Variants in ZNF80 observed in about 807,000 individuals in gnomAD.
The protein encoded by ZNF80 is zinc finger protein 80.
For synonymous variants in ZNF80, 132 were observed against 119.4 expected, an observed-to-expected ratio of 1.11 and a Z score of -0.69; for missense variants, 394 against 334.1, an observed-to-expected ratio of 1.18 and a Z score of -1.40.
chr3:114,236,797 A>T lies in ZNF80; in HGVS notation c.278T>A (p.Val93Asp). 6.2e-7 allele frequency: 1 copy of T among 1,614,116 alleles called. No homozygotes were observed. Among genetic ancestry groups the T allele is most frequent in the Non-Finnish European group, 8.5e-7 (1 of 1,179,998 alleles). ...CCCTGTGTGAATCCTCATGGGTCGA[A>T]CGAAGTCGACCTTTTCAGGAAAGGC... The part of the protein sequence containing the change: ...GKAFPEKVDF[V>D]RPMRIHTGEK... The change falls in exon 1 of 1, where the codon GTT becomes GAT. Residue 93 changes from valine (V) to aspartate (D), a missense_variant. Val to Asp is a radical substitution (Grantham distance 152). Coordinates refer to ENST00000482457, the MANE Select transcript of ZNF80 (RefSeq NM_007136.4).
chr3:114,236,272 G>C lies in ZNF80; in HGVS notation c.803C>G (p.Ser268Cys), dbSNP rs748414246. ...SAFAQQSKIHSGGKNL is the reference protein window; with the variant it reads ...SAFAQQSKIHCGGKNL The stretch of plus-strand genomic sequence containing the variant: ...TTGCACTCAAAGGTTTTTTCCTCCA[G>C]AGTGGATCTTACTCTGTTGGGCAAA... Residue 268 changes from serine (S) to cysteine (C), a missense_variant, in exon 1 of 1, where the codon TCT becomes TGT. Ser to Cys is a moderately radical substitution (Grantham distance 112). Transcript: ENST00000482457. The C allele has an allele frequency of 6.9e-6, 11 of 1,590,040 alleles. No homozygotes were observed. The Admixed American group carries it at 7.2e-5, about 10-fold the overall frequency.
In ZNF80 at chr3:114,236,765, G is replaced by A. The variant is rs145218257; in HGVS notation, c.310C>T (p.Pro104Ser). ...TTCCCGCACTCCACGCACTTACAGG[G>A]CTTCTCCCCTGTGTGAATCCTCATG... The part of the protein sequence containing the change: ...RPMRIHTGEK[P>S]CKCVECGKVF... Residue 104 changes from proline to serine, a missense_variant, in exon 1 of 1, where the codon CCC becomes TCC. Coordinates refer to ENST00000482457, the MANE Select transcript of ZNF80 (RefSeq NM_007136.4). 1,996 of 1,614,164 alleles carry A rather than the reference G, an allele frequency of 1.2e-3. 21 individuals carry two copies. In the African/African-American group the frequency reaches 0.022, roughly 18 times the overall value.
rs1560017089 is a variant in ZNF80 at position 114,236,290 on chromosome 3, T to C, written c.785A>G (p.Gln262Arg). Residue 262 changes from glutamine to arginine, a missense_variant, in exon 1 of 1, where the codon CAA becomes CGA. Coordinates refer to ENST00000482457, the MANE Select transcript of ZNF80 (RefSeq NM_007136.4). ...TCCTCCAGAGTGGATCTTACTCTGT[T>C]GGGCAAAAGCAGAGTGGTAGCCAAA... ...KDFGYHSAFA[Q>R]QSKIHSGGKN... is the part of the protein sequence containing the mutation. 6.2e-7 allele frequency: 1 copy of C among 1,609,710 alleles called. No individual in the cohort carries two copies. The highest frequency in any genetic ancestry group is 8.5e-7 in the Non-Finnish European group (1 of 1,177,256).
Position 114,236,406 on chromosome 3 carries a change from C to G in ZNF80, c.669G>C (p.Gly223=). The G allele has an allele frequency of 6.2e-7, 1 of 1,612,168 alleles. No homozygotes were observed. Among genetic ancestry groups the G allele is most frequent in the African/African-American group, 1.3e-5 (1 of 74,948 alleles). The change falls in exon 1 of 1, where the codon GGG becomes GGC. Residue 223 remains glycine, a synonymous_variant. Coordinates refer to ENST00000482457, the MANE Select transcript of ZNF80 (RefSeq NM_007136.4). ...AGKPYECKEC[G]KGFYYSYSLT... ...GGGAATAGCTGTAGTAAAAACCTTTCCCACATTCTTTGCACTCGTAGGGCT... is the reference window on the plus strand; with the variant it reads ...GGGAATAGCTGTAGTAAAAACCTTTGCCACATTCTTTGCACTCGTAGGGCT...
chr3:114,235,338 G>A lies in ZNF80; in HGVS notation c.*915C>T, dbSNP rs1007096287. 1 of 152,152 alleles carries A rather than the reference G, an allele frequency of 6.6e-6. No individual in the cohort carries two copies. Among genetic ancestry groups the A allele is most frequent in the Non-Finnish European group, 1.5e-5 (1 of 68,034 alleles). 9.4% of individuals were successfully genotyped at this position (152,152 alleles called of 1,614,324 possible). On this transcript the variant is annotated 3_prime_UTR_variant, in exon 1 of 1. Transcript: ENST00000482457. ...TTCACCATCATTCTCTCGTCCCTGAGAAAATAAATCAAAACAAACAAGTAT... is the reference window on the plus strand; with the variant it reads ...TTCACCATCATTCTCTCGTCCCTGAAAAAATAAATCAAAACAAACAAGTAT...
Position 114,235,474 on chromosome 3 carries a change from C to A in ZNF80, c.*779G>T, listed in dbSNP as rs2078197348. 3 of 151,930 alleles carry A rather than the reference C, an allele frequency of 2.0e-5. No individual in the cohort carries two copies. The highest frequency in any genetic ancestry group is 4.4e-5 in the Non-Finnish European group (3 of 67,946). The allele number at this position is 151,930 out of a possible 1,614,324, so 9.4% of individuals were successfully genotyped here. A position where few individuals can be genotyped will look rare whatever the true frequency, so the allele number is the denominator to read the frequency against. ...TATGCCCATTCAATGTGGTTACTTA[C>A]CTCCTCAGATATGAAAGGATTTTAT... is the stretch of plus-strand genomic sequence containing the variant. On this transcript the variant is annotated 3_prime_UTR_variant, in exon 1 of 1. Coordinates refer to ENST00000482457, the MANE Select transcript of ZNF80 (RefSeq NM_007136.4).
chr3:114,235,230 G>A lies in ZNF80; in HGVS notation c.*1023C>T, dbSNP rs1351233211. The A allele has an allele frequency of 6.6e-6, 1 of 152,116 alleles. No individual in the cohort carries two copies. The highest frequency in any genetic ancestry group is 1.5e-5 in the Non-Finnish European group (1 of 68,016). The allele number at this position is 152,116 out of a possible 1,614,324, so 9.4% of individuals were successfully genotyped here. ...CTAGAAAACTAGTGACATGCTCTTG[G>A]AGAAGCCCCTCTTACAGAAGGCCAA... On this transcript the variant is annotated 3_prime_UTR_variant, in exon 1 of 1. Coordinates refer to ENST00000482457, the MANE Select transcript of ZNF80 (RefSeq NM_007136.4).
chr3:114,236,907 G>C lies in ZNF80; in HGVS notation c.168C>G (p.Ser56Arg). The C allele has an allele frequency of 6.2e-7, 1 of 1,614,148 alleles. No homozygotes were observed. The highest frequency in any genetic ancestry group is 2.2e-5 in the East Asian group (1 of 44,878). The change falls in exon 1 of 1, where the codon AGC becomes AGG. Residue 56 changes from serine (S) to arginine (R), a missense_variant. Ser to Arg is a moderately radical substitution (Grantham distance 110). Transcript: ENST00000482457. ...GKTYKCKECG[S>R]VFNKNSLLVR... Reference sequence around the variant, plus strand: ...CAAGGAGGCTGTTTTTGTTAAACACGCTCCCACATTCCTTGCATTTGTAGG... The same window carrying C: ...CAAGGAGGCTGTTTTTGTTAAACACCCTCCCACATTCCTTGCATTTGTAGG...
exon 1 of ZNF80, chr3:114,236,508 G>T: frequency 1.9e-6 from 3 of 1,612,856 alleles, no homozygotes; most frequent in Non-Finnish European, 2.5e-6. Context: ...CACTGCACTT[G>T]CAGGGCTTCT....
Position 114,236,983 on chromosome 3 carries a change from T to C in ZNF80, c.92A>G (p.Glu31Gly), listed in dbSNP as rs774084906. The C allele has an allele frequency of 1.2e-6, 2 of 1,614,200 alleles. No individual in the cohort carries two copies. The highest frequency in any genetic ancestry group is 4.5e-5 in the East Asian group (2 of 44,884). Reference sequence around the variant, plus strand: ...TTTACTTGGTCCCTGGGAGTCACATTCATGGAGATTGTCTCCTGTGGAGAC... The same window carrying C: ...TTTACTTGGTCCCTGGGAGTCACATCCATGGAGATTGTCTCCTGTGGAGAC... ...EQVSTGDNLH[E>G]CDSQGPSKDT... The change falls in exon 1 of 1, where the codon GAA becomes GGA. Residue 31 changes from glutamate to glycine, a missense_variant. Transcript: ENST00000482457.
chr3:114,236,150 T>C lies in ZNF80; in HGVS notation c.*103A>G. On this transcript the variant is annotated 3_prime_UTR_variant, in exon 1 of 1. Transcript: ENST00000482457. ...TGAGGATGAGCTGCAGGTCACAGCT[T>C]TCCTACTGCCACTGAATTCAGAGTG... The C allele has an allele frequency of 1.2e-6, 1 of 841,504 alleles. No homozygotes were observed. Among genetic ancestry groups the C allele is most frequent in the Non-Finnish European group, 1.9e-6 (1 of 538,994 alleles). The allele number at this position is 841,504 out of a possible 1,614,324, so 52.1% of individuals were successfully genotyped here. A position where few individuals can be genotyped will look rare whatever the true frequency, so the allele number is the denominator to read the frequency against.
rs2078200229 is a variant in ZNF80 at position 114,236,007 on chromosome 3, T to C, written c.*246A>G. 2.7e-6 allele frequency: 1 copy of C among 369,624 alleles called. No homozygotes were observed. Among genetic ancestry groups the C allele is most frequent in the South Asian group, 8.4e-5 (1 of 11,912 alleles). The allele number at this position is 369,624 out of a possible 1,614,324, so 22.9% of individuals were successfully genotyped here. Reference sequence around the variant, plus strand: ...AAAAGATTTTCTTCACTAGTTTTTGTCAAAATGTCTTTTCGCAGTTTAAGT... The same window carrying C: ...AAAAGATTTTCTTCACTAGTTTTTGCCAAAATGTCTTTTCGCAGTTTAAGT... On this transcript the variant is annotated 3_prime_UTR_variant, in exon 1 of 1. Transcript: ENST00000482457.
Position 114,236,075 on chromosome 3 carries a change from C to T in ZNF80, c.*178G>A. 2.0e-6 allele frequency: 1 copy of T among 505,986 alleles called. No homozygotes were observed. The allele number at this position is 505,986 out of a possible 1,614,324, so 31.3% of individuals were successfully genotyped here. A position where few individuals can be genotyped will look rare whatever the true frequency, so the allele number is the denominator to read the frequency against. ...TGTGGGCCCACTTGCAAAAGGCCTTCCCACATATCTCATAGAGTTTATCTC... is the reference window on the plus strand; with the variant it reads ...TGTGGGCCCACTTGCAAAAGGCCTTTCCACATATCTCATAGAGTTTATCTC... On this transcript the variant is annotated 3_prime_UTR_variant, in exon 1 of 1. Coordinates refer to ENST00000482457, the MANE Select transcript of ZNF80 (RefSeq NM_007136.4).
Position 114,236,859 on chromosome 3 carries a change from A to T in ZNF80, c.216T>A (p.Thr72=), listed in dbSNP as rs947245996. The change falls in exon 1 of 1, where the codon ACT becomes ACA. Residue 72 remains threonine, a synonymous_variant. Coordinates refer to ENST00000482457, the MANE Select transcript of ZNF80 (RefSeq NM_007136.4). The part of the protein sequence containing the change: ...SLLVRHQQIH[T]GVKPYECQEC... ...CCTGGCATTCATAAGGCTTCACCCC[A>T]GTGTGAATCTGCTGATGTCGAACAA... 6.2e-7 allele frequency: 1 copy of T among 1,614,214 alleles called. No homozygotes were observed. The highest frequency in any genetic ancestry group is 1.1e-5 in the South Asian group (1 of 91,084).
chr3:114,235,993 T>C lies in ZNF80; in HGVS notation c.*260A>G, dbSNP rs2078200219. 5.9e-6 allele frequency: 2 copies of C among 337,424 alleles called. No homozygotes were observed. The highest frequency in any genetic ancestry group is 9.5e-5 in the East Asian group (2 of 21,106). 20.9% of individuals were successfully genotyped at this position (337,424 alleles called of 1,614,324 possible). On this transcript the variant is annotated 3_prime_UTR_variant, in exon 1 of 1. Coordinates refer to ENST00000482457, the MANE Select transcript of ZNF80 (RefSeq NM_007136.4). ...TATTTCCTGTGGCCAAAAGATTTTC[T>C]TCACTAGTTTTTGTCAAAATGTCTT...
In ZNF80 at chr3:114,236,118, T is replaced by G; in HGVS notation, c.*135A>C. The G allele has an allele frequency of 1.5e-6, 1 of 659,144 alleles. No individual in the cohort carries two copies. 40.8% of individuals were successfully genotyped at this position (659,144 alleles called of 1,614,324 possible). A position where few individuals can be genotyped will look rare whatever the true frequency, so the allele number is the denominator to read the frequency against. On this transcript the variant is annotated 3_prime_UTR_variant, in exon 1 of 1. Coordinates refer to ENST00000482457, the MANE Select transcript of ZNF80 (RefSeq NM_007136.4). ...TTTATCTCTGGAAGGAATTCTTCAA[T>G]GCCAAGTGAGGATGAGCTGCAGGTC...
exon 1 of ZNF80, chr3:114,236,892 GT>G (rs1481390605): frequency 1.9e-6 from 3 of 1,614,082 alleles, no homozygotes. Context: ...CAAGGAGGCT[GT>G]TTTTGTTAAA....
rs972629214 is a variant in ZNF80 at position 114,235,376 on chromosome 3, G to C, written c.*877C>G. The C allele has an allele frequency of 1.3e-5, 2 of 152,070 alleles. No homozygotes were observed. Among genetic ancestry groups the C allele is most frequent in the South Asian group, 4.1e-4 (2 of 4,830 alleles). 9.4% of individuals were successfully genotyped at this position (152,070 alleles called of 1,614,324 possible). ...AACAAACAAGTATATTGAGCACTGG[G>C]TGTTCAAAACCACATGAAGAATTGT... On this transcript the variant is annotated 3_prime_UTR_variant, in exon 1 of 1. Transcript: ENST00000482457.
At position 114,236,603 on chromosome 3, in the gene ZNF80, C is replaced by T; in HGVS notation, c.472G>A (p.Glu158Lys). Residue 158 changes from glutamate (E) to lysine (K), a missense_variant, in exon 1 of 1, where the codon GAA (glutamate) becomes AAA (lysine). By Grantham distance (56) the Glu-to-Lys change is moderately conservative (BLOSUM62 1). Transcript: ENST00000482457. ...CATTCTTTGCACCCAAAGAGTTTTT[C>T]TCCAGTGTGGGTCACACGATGCTGG... is the stretch of plus-strand genomic sequence containing the variant. The part of the protein sequence containing the change: ...FIQHRVTHTG[E>K]KLFGCKECGK... 6.2e-7 allele frequency: 1 copy of T among 1,614,164 alleles called. No individual in the cohort carries two copies. The highest frequency in any genetic ancestry group is 2.2e-5 in the East Asian group (1 of 44,876).
Sources: allele counts gnomAD v4.1 joint callset, GRCh38; gene constraint gnomAD v4.1.1; transcripts MANE v1.5; gene names NCBI Gene and HGNC (gene_info 2026-07-23, HGNC 2026-07-21).